Variants in ABCC8 observed in about 807,000 individuals in gnomAD.
ABCC8 encodes ATP binding cassette subfamily C member 8, also known as ATP-binding cassette sub-family C member 8.
ABCC8 carries 137 observed loss-of-function variants against 188.0 expected under a neutral mutation model. The observed-to-expected ratio is 0.73, with a 90% CI of 0.63 to 0.84. The LOEUF (loss-of-function observed/expected upper bound fraction) is 0.84. Ranked by LOEUF, ABCC8 falls within the 40% of genes least tolerant of loss-of-function variation. ABCC8 has a pLI of 0.00. For missense variants in ABCC8, 1,750 were observed against 2,072.7 expected (o/e 0.84, Z 3.02); for synonymous variants, 797 against 846.5 (o/e 0.94, Z 1.01).
At chr11:17,418,474 A>G (rs554494412) in intron 16 of ABCC8, among the ~76,000 whole-genome samples, 1 of 152,256 alleles carries the variant, frequency 6.6e-6, no homozygotes, top group Admixed American at 6.5e-5. Context: ...ATATTCCCTA[A>G]CCATCAGATG....
intron 14 of ABCC8, 82 bp from the exon 15 acceptor site, chr11:17,428,024 CCAT>C: frequency 3.8e-6 from 6 of 1,585,598 alleles, no homozygotes; most frequent in Non-Finnish European, 5.1e-6. Flanking sequence ...TTCCCCTCCT[CCAT>C]GAAAGCCAAA....
chr11:17,395,079 T>G (rs1953837199), intron 36 of ABCC8, 93 bp downstream of exon 36: 1 of 1,505,214 alleles, frequency 6.6e-7, no homozygotes, highest in South Asian at 1.2e-5. Flanking sequence ...GACTCCAAAC[T>G]TGGGGCAAAC....
intron 7 of ABCC8, among the ~76,000 whole-genome samples, chr11:17,450,684 A>ATTTTTTT (rs1956780375): frequency 4.3e-5 from 3 of 70,254 alleles, no homozygotes; most frequent in Admixed American, 1.6e-4. Context: ...GGCATGAGCC[A>ATTTTTTT]CTTTTTTTTT....
chr11:17,418,153 A>G (rs191226447), intron 16 of ABCC8, among the ~76,000 whole-genome samples: 6 of 152,320 alleles, frequency 3.9e-5, no homozygotes, highest in Admixed American at 2.0e-4. Flanking sequence ...GCTCAGAGAA[A>G]GGCTAAGTAA....
intron 1 of ABCC8, among the ~76,000 whole-genome samples, chr11:17,475,893 G>A (rs893481788): frequency 4.7e-5 from 7 of 147,406 alleles, no homozygotes; most frequent in African/African-American, 1.7e-4. Context: ...GGAGAGAGAT[G>A]GGGGGGACCT....
chr11:17,446,574 C>T (rs1371049823), intron 8 of ABCC8, among the ~76,000 whole-genome samples: 2 of 152,198 alleles, frequency 1.3e-5, no homozygotes, highest in African/African-American at 2.4e-5. Flanking sequence ...CCACCACACC[C>T]AGCTTAGAAA....
At chr11:17,451,925 A>G (rs1235836984) in intron 7 of ABCC8, among the ~76,000 whole-genome samples, 1 of 152,194 alleles carries the variant, frequency 6.6e-6, no homozygotes, top group Non-Finnish European at 1.5e-5. Context: ...TGGCTAGTTT[A>G]AATGTAAATA....
At chr11:17,392,812 G>A, downstream of ABCC8, 1 of 721,146 alleles carries the variant, frequency 1.4e-6, no homozygotes, top group Non-Finnish European at 2.4e-6. Context: ...TCTGCCTGAT[G>A]TCAGAGCCAG....
At position 17,447,590 on chromosome 11, in the gene ABCC8, T is replaced by TA. The variant is rs1045908054; in HGVS notation, c.1332+925dup. Reference sequence around the variant, plus strand: ...AAAGGGGCGCACCACCACATCTGGCTAAAAAACACCAGGTTTTGTTTGTTT... The same window carrying TA: ...AAAGGGGCGCACCACCACATCTGGCTAAAAAAACACCAGGTTTTGTTTGTTT... On this transcript the variant is annotated intron_variant, in intron 8 of 38. Coordinates refer to ENST00000389817, the MANE Select transcript of ABCC8 (RefSeq NM_000352.6). Among the ~76,000 whole-genome samples, 17 of 152,194 alleles carry TA rather than the reference T, an allele frequency of 1.1e-4. No individual in the cohort carries two copies. In the East Asian group the frequency reaches 2.5e-3, roughly 22 times the overall value.
intron 7 of ABCC8, among the ~76,000 whole-genome samples, chr11:17,451,332 C>T (rs779030047): frequency 3.9e-5 from 6 of 152,168 alleles, no homozygotes; most frequent in Admixed American, 3.9e-4. Context: ...CCCCATGAGT[C>T]TTAGAAGGTC....
At chr11:17,396,264 A>G (rs1353385643) in intron 33 of ABCC8, 7 of 454,644 alleles carry the variant, frequency 1.5e-5, no homozygotes, top group Non-Finnish European at 2.8e-5. Flanking sequence ...AGGAGGACAC[A>G]GGGGCAGCTG....
intron 16 of ABCC8, among the ~76,000 whole-genome samples, chr11:17,424,576 TG>T (rs1955499853): frequency 1.3e-5 from 2 of 151,462 alleles, no homozygotes; most frequent in South Asian, 2.1e-4. Context: ...GGCATGAGGG[TG>T]GGGGAGGAGA....
chr11:17,403,302 C>T (rs921851190), intron 28 of ABCC8, among the ~76,000 whole-genome samples: 22 of 152,194 alleles, frequency 1.4e-4, no homozygotes, highest in East Asian at 3.8e-4. Flanking sequence ...AGCTGCACCT[C>T]GACAAGCACA....
At chr11:17,405,466 G>C in intron 27 of ABCC8, 28 bp downstream of exon 27, 1 of 1,614,120 alleles carries the variant, frequency 6.2e-7, no homozygotes, top group South Asian at 1.1e-5. Context: ...CTCTGGAAGG[G>C]GGGATAGTGT....
In ABCC8 at chr11:17,404,906, C is replaced by A. The variant is rs1338928706; in HGVS notation, c.3400-237G>T. ...CTTCCCAAGTAGTTGGGATTACAGG[C>A]ACCTGCCACCACACCTGGCTAATTT... is the stretch of plus-strand genomic sequence containing the variant. On this transcript the variant is annotated intron_variant, in intron 27 of 38. Coordinates refer to ENST00000389817, the MANE Select transcript of ABCC8 (RefSeq NM_000352.6). This position sits in a 1 kb window ranked among gnomAD's most constrained non-coding sequence, Gnocchi z 4.7. Among the ~76,000 whole-genome samples, 3 of 152,104 alleles carry A rather than the reference C, an allele frequency of 2.0e-5. No individual in the cohort carries two copies. Among genetic ancestry groups the A allele is most frequent in the African/African-American group, 7.2e-5 (3 of 41,412 alleles).
chr11:17,454,495 AT>A (rs1401810462), intron 6 of ABCC8, among the ~76,000 whole-genome samples: 1 of 152,114 alleles, frequency 6.6e-6, no homozygotes, highest in Non-Finnish European at 1.5e-5. Context: ...TCTCTGTCCC[AT>A]TTGCCAGTGC....
rs1057016834 is a variant in ABCC8, at chr11:17,427,744, C to T, written c.2116+123G>A. 10 of 1,325,178 alleles carry T rather than the reference C, an allele frequency of 7.5e-6. No individual in the cohort carries two copies. In the African/African-American group the frequency reaches 1.5e-4, roughly 19 times the overall value. 82.1% of individuals were successfully genotyped at this position (1,325,178 alleles called of 1,614,324 possible). ...TAGCCTTCCCCTTCTATAATATACC[C>T]AGGGCATACACCAAGAATGAGCAGA... On this transcript the variant is annotated intron_variant, in intron 15 of 38. Transcript: ENST00000389817. The surrounding 1 kb of genome is among the most constrained non-coding windows in gnomAD (Gnocchi z 5.0).
At chr11:17,413,139 C>G (rs1954896460) in intron 20 of ABCC8, among the ~76,000 whole-genome samples, 1 of 152,164 alleles carries the variant, frequency 6.6e-6, no homozygotes, top group South Asian at 2.1e-4. Flanking sequence ...TGTGTGGGCT[C>G]TCAGTGTATA....
chr11:17,469,955 A>G (rs1848387019), intron 3 of ABCC8, 146 bp downstream of exon 3: 2 of 995,560 alleles, frequency 2.0e-6, no homozygotes, highest in East Asian at 5.3e-5. Flanking sequence ...ACCAGACTGT[A>G]AGCTCCATGA....
Sources: gnomAD v4.1 joint callset for allele counts (sites outside exome capture counted in the v4.1 genomes callset) on GRCh38, gnomAD v4.1.1 for gene constraint, Gnocchi (gnomAD v3.1) non-coding constraint, MANE v1.5 for transcripts, NCBI Gene and HGNC (gene_info 2026-07-23, HGNC 2026-07-21) for gene names.